MACROD2: variants seen among roughly 807,000 people sequenced by gnomAD.
MACROD2 encodes the protein ADP-ribose glycohydrolase MACROD2.
MACROD2 carries 36 observed loss-of-function variants against 70.4 expected under a neutral mutation model. The observed-to-expected ratio is 0.51, with a 90% CI of 0.39 to 0.68. The LOEUF is 0.68. Ranked by LOEUF, MACROD2 falls within the 30% of genes least tolerant of loss-of-function variation. MACROD2 has a pLI of 0.00. For synonymous variants in MACROD2, 172 were observed against 178.8 expected (o/e 0.96, Z 0.30); for missense variants, 496 against 538.4 (o/e 0.92, Z 0.78).
intron 6 of MACROD2, among the ~76,000 whole-genome samples, chr20:15,318,438 A>T (rs1568718100): frequency 6.6e-6 from 1 of 152,266 alleles, no homozygotes; most frequent in South Asian, 2.1e-4. Context: ...TTTTCCAAAA[A>T]ATGGAAGAGG....
chr20:14,239,767 G>T (rs1234158674), intron 3 of MACROD2, among the ~76,000 whole-genome samples: 1 of 152,110 alleles, frequency 6.6e-6, no homozygotes, highest in Non-Finnish European at 1.5e-5. Flanking sequence ...TCTGGACACA[G>T]GCCCTAAAGA....
intron 6 of MACROD2, among the ~76,000 whole-genome samples, chr20:15,371,672 G>A (rs925239948): frequency 1.3e-5 from 2 of 152,030 alleles, no homozygotes; most frequent in Non-Finnish European, 2.9e-5. Context: ...AATTAATCTA[G>A]GGGGATAGCC....
intron 8 of MACROD2, among the ~76,000 whole-genome samples, chr20:15,614,190 C>T (rs1432130704): frequency 6.6e-6 from 1 of 152,158 alleles, no homozygotes; most frequent in African/African-American, 2.4e-5. Flanking sequence ...TGTAAAGCAC[C>T]TAACGTCATG....
At chr20:15,583,008 G>C (rs538524120) in intron 8 of MACROD2, among the ~76,000 whole-genome samples, 2 of 151,930 alleles carry the variant, frequency 1.3e-5, no homozygotes, top group South Asian at 4.2e-4. Flanking sequence ...GGATGTTAAG[G>C]CAAAAATATG....
intron 3 of MACROD2, among the ~76,000 whole-genome samples, chr20:14,405,545 A>T (rs1246357387): frequency 6.6e-6 from 1 of 152,192 alleles, no homozygotes; most frequent in Non-Finnish European, 1.5e-5. Flanking sequence ...GTACTCTGTC[A>T]CTTGAACTCA....
At chr20:15,605,946 C>T (rs948956221) in intron 8 of MACROD2, among the ~76,000 whole-genome samples, 6 of 152,154 alleles carry the variant, frequency 3.9e-5, no homozygotes, top group African/African-American at 1.4e-4. Flanking sequence ...TGTTCCACTG[C>T]CACATCAATT....
intron 5 of MACROD2, among the ~76,000 whole-genome samples, chr20:14,801,076 C>T (rs527284362): frequency 6.6e-6 from 1 of 152,256 alleles, no homozygotes; most frequent in Admixed American, 6.5e-5. Context: ...ATTCTAACTT[C>T]AAAATAATAC....
chr20:15,960,553 C>T (rs2066044879), intron 12 of MACROD2, among the ~76,000 whole-genome samples: 3 of 152,040 alleles, frequency 2.0e-5, no homozygotes, highest in Admixed American at 6.6e-5. Context: ...TCTCAGGAAG[C>T]ACAGGTGAGG....
Position 14,906,827 on chromosome 20 carries a change from T to G in MACROD2, c.418+221868T>G, listed in dbSNP as rs149659129. ...ATTCTTTAAAGCTTTCAGCCTCTCT[T>G]GTCTTGTCATGGCTACAGTATTTGT... is the stretch of plus-strand genomic sequence containing the variant. On this transcript the variant is annotated intron_variant, in intron 5 of 17. Coordinates refer to ENST00000684519, the MANE Select transcript of MACROD2 (RefSeq NM_001351661.2). Among the ~76,000 whole-genome samples the G allele has an allele frequency of 3.9e-4, 60 of 152,310 alleles. 1 individual carries two copies. The highest frequency in any genetic ancestry group is 1.1e-3 in the African/African-American group (44 of 41,570).
intron 10 of MACROD2, among the ~76,000 whole-genome samples, chr20:15,904,786 C>T (rs973269429): frequency 1.3e-5 from 2 of 149,512 alleles, no homozygotes; most frequent in Admixed American, 6.8e-5. Flanking sequence ...GAGGCTGAGG[C>T]AGGAGAATGA....
intron 5 of MACROD2, among the ~76,000 whole-genome samples, chr20:15,160,605 G>A (rs997073255): frequency 2.0e-5 from 3 of 151,964 alleles, no homozygotes; most frequent in South Asian, 2.1e-4. Context: ...AAATAGACAC[G>A]ATCCCATTTA....
At chr20:15,309,882 C>T (rs1374379052) in intron 6 of MACROD2, among the ~76,000 whole-genome samples, 2 of 152,092 alleles carry the variant, frequency 1.3e-5, no homozygotes, top group African/African-American at 4.8e-5. Flanking sequence ...TAAGTATGTA[C>T]TTAGAGGTAT....
chr20:15,529,760 G>GC lies in MACROD2; in HGVS notation c.645+29921dup, dbSNP rs928539711. Among the ~76,000 whole-genome samples, 62 of 151,482 alleles carry GC rather than the reference G, an allele frequency of 4.1e-4. 1 individual carries two copies. In the Middle Eastern group the frequency reaches 0.014, roughly 33 times the overall value. ...AAAACTCCTAACTTGACTGATATCC[G>GC]CCCCCCCCACCTTTGACCGATTATG... On this transcript the variant is annotated intron_variant, in intron 8 of 17. Coordinates refer to ENST00000684519, the MANE Select transcript of MACROD2 (RefSeq NM_001351661.2).
At chr20:15,356,321 GGCATA>G (rs1376540219) in intron 6 of MACROD2, among the ~76,000 whole-genome samples, 6 of 151,956 alleles carry the variant, frequency 3.9e-5, no homozygotes, top group Non-Finnish European at 7.4e-5. Flanking sequence ...CACTTATTCT[GGCATA>G]AGTATAGTAA....
chr20:14,918,237 A>G (rs2074117270), intron 5 of MACROD2, among the ~76,000 whole-genome samples: 1 of 152,140 alleles, frequency 6.6e-6, no homozygotes, highest in Admixed American at 6.5e-5. Flanking sequence ...CGGCCTCCCA[A>G]AGTGCTGGGA....
chr20:14,492,901 T>G (rs2084810517), intron 3 of MACROD2, among the ~76,000 whole-genome samples: 1 of 152,098 alleles, frequency 6.6e-6, no homozygotes, highest in Non-Finnish European at 1.5e-5. Flanking sequence ...CCTATAAATG[T>G]GTGTGCGGGG....
rs970882335 is a variant in MACROD2, at chr20:16,052,229, A to G, written c.*2353A>G. 5 of 152,350 alleles carry G rather than the reference A, an allele frequency of 3.3e-5. No individual in the cohort carries two copies. The highest frequency in any genetic ancestry group is 7.4e-5 in the Non-Finnish European group (5 of 68,024). The allele number at this position is 152,350 out of a possible 1,614,324, so 9.4% of individuals were successfully genotyped here. A position where few individuals can be genotyped will look rare whatever the true frequency, so the allele number is the denominator to read the frequency against. On this transcript the variant is annotated 3_prime_UTR_variant, in exon 18 of 18. Transcript: ENST00000684519. ...AGTTTTATGCTTTAAAACAAATGAT[A>G]AAGTTAATTTCCAATTCAATAGTGA... is the stretch of plus-strand genomic sequence containing the variant.
At chr20:15,288,867 GTCTATCTATCTATCTATCTATCTA>G (rs3070384) in intron 6 of MACROD2, among the ~76,000 whole-genome samples, 2 of 146,852 alleles carry the variant, frequency 1.4e-5, no homozygotes, top group African/African-American at 2.5e-5. Flanking sequence ...CTGTCTGTCT[GTCTATCTATCTATCTATCTATCTA>G]TCTATCTATC....
At chr20:15,588,506 C>G (rs1023807417) in intron 8 of MACROD2, among the ~76,000 whole-genome samples, 2 of 152,160 alleles carry the variant, frequency 1.3e-5, no homozygotes, top group African/African-American at 2.4e-5. Context: ...TCTACCATAT[C>G]ATCAGGCTGC....
Sources: gnomAD v4.1 joint callset for allele counts (sites outside exome capture counted in the v4.1 genomes callset) on GRCh38, gnomAD v4.1.1 for gene constraint, MANE v1.5 for transcripts, NCBI Gene and HGNC (gene_info 2026-07-23, HGNC 2026-07-21) for gene names.